Variants in PID1 observed in about 807,000 individuals in gnomAD.
PID1 encodes the protein phosphotyrosine interaction domain containing 1.
In PID1, 10 loss-of-function variants were observed where a neutral mutation model predicts 19.1. The observed-to-expected ratio is 0.52, with a 90% CI of 0.32 to 0.89. PID1 has a LOEUF of 0.89. Ranked by LOEUF, PID1 falls within the 40% of genes least tolerant of loss-of-function variation. PID1 has a pLI of 0.03. For missense variants in PID1, 248 were observed against 285.3 expected (o/e 0.87, Z 0.94); for synonymous variants, 130 against 116.0 (o/e 1.12, Z -0.78).
At chr2:229,135,836 T>G (rs1358323257) in intron 2 of PID1, among the ~76,000 whole-genome samples, 1 of 152,170 alleles carries the variant, frequency 6.6e-6, no homozygotes, top group Non-Finnish European at 1.5e-5. Flanking sequence ...CTCAGATTAT[T>G]AGCAACATGC....
Position 229,146,494 on chromosome 2 carries a change from T to C in PID1, c.177+9324A>G, listed in dbSNP as rs549113094. 1.3e-4 allele frequency among the ~76,000 whole-genome samples: 20 copies of C among 151,534 alleles called. No individual in the cohort carries two copies. In the East Asian group the frequency reaches 3.9e-3, roughly 29 times the overall value. ...ATGTATCCCAGAACTTAAAGTAAAT[T>C]TTTAAAAAAAAATTATGAACTGTGA... is the stretch of plus-strand genomic sequence containing the variant. On this transcript the variant is annotated intron_variant, in intron 2 of 2. Coordinates refer to ENST00000392055, the MANE Select transcript of PID1 (RefSeq NM_001100818.2).
At chr2:229,226,208 T>C (rs1000181615) in intron 1 of PID1, among the ~76,000 whole-genome samples, 8 of 152,278 alleles carry the variant, frequency 5.3e-5, no homozygotes, top group Non-Finnish European at 7.4e-5. Context: ...GTTCATTGAG[T>C]AGTATGAGTC....
At chr2:229,188,300 T>C (rs1163591289) in intron 1 of PID1, among the ~76,000 whole-genome samples, 1 of 151,618 alleles carries the variant, frequency 6.6e-6, no homozygotes. Context: ...TTTTAAGACT[T>C]TGGGATGCAT....
Position 229,025,582 on chromosome 2 carries a change from C to T in PID1, c.*50G>A, listed in dbSNP as rs1296415658. 6.5e-6 allele frequency: 9 copies of T among 1,392,766 alleles called. No homozygotes were observed. Among genetic ancestry groups the T allele is most frequent in the African/African-American group, 4.2e-5 (3 of 70,628 alleles). The allele number at this position is 1,392,766 out of a possible 1,614,324, so 86.3% of individuals were successfully genotyped here. A position where few individuals can be genotyped will look rare whatever the true frequency, so the allele number is the denominator to read the frequency against. ...TGAAACGTTGCTTACTCATCTATTC[C>T]CTTGAACTCCGTGACCAATGCTGCC... is the stretch of plus-strand genomic sequence containing the variant. On this transcript the variant is annotated 3_prime_UTR_variant, in exon 3 of 3. Coordinates refer to ENST00000392055, the MANE Select transcript of PID1 (RefSeq NM_001100818.2).
chr2:229,155,681 C>T, intron 2 of PID1, 137 bp downstream of exon 2: 1 of 747,816 alleles, frequency 1.3e-6, no homozygotes, highest in Non-Finnish European at 2.1e-6. Context: ...TCTACCATCA[C>T]TCTGTGAATT....
chr2:229,210,989 T>C (rs1355505985), intron 1 of PID1, among the ~76,000 whole-genome samples: 1 of 152,198 alleles, frequency 6.6e-6, no homozygotes, highest in Non-Finnish European at 1.5e-5. Flanking sequence ...TGCTAAAAAC[T>C]GCATCGACTA....
intron 2 of PID1, among the ~76,000 whole-genome samples, chr2:229,144,240 G>A (rs2106183925): frequency 6.6e-6 from 1 of 152,250 alleles, no homozygotes; most frequent in Admixed American, 6.5e-5. Context: ...AAACAGAGGA[G>A]CATCCAACAC....
intron 2 of PID1, among the ~76,000 whole-genome samples, chr2:229,120,750 G>A (rs72973209): frequency 0.071 from 10,740 of 152,050 alleles, 538 homozygotes; most frequent in South Asian, 0.22. Flanking sequence ...ACTGGGGTGT[G>A]GGCCTAGTGG....
At chr2:229,194,624 A>G (rs754299813) in intron 1 of PID1, among the ~76,000 whole-genome samples, 14 of 151,978 alleles carry the variant, frequency 9.2e-5, no homozygotes, top group Non-Finnish European at 1.6e-4. Context: ...TATTAACTCT[A>G]GGTTCCTTAA....
chr2:229,124,301 G>A (rs1387452629), intron 2 of PID1, among the ~76,000 whole-genome samples: 1 of 152,072 alleles, frequency 6.6e-6, no homozygotes, highest in African/African-American at 2.4e-5. Flanking sequence ...CATCTGTCCT[G>A]CCTTCCCACA....
At chr2:229,241,314 A>G (rs1689861535) in intron 1 of PID1, among the ~76,000 whole-genome samples, 1 of 152,158 alleles carries the variant, frequency 6.6e-6, no homozygotes, top group South Asian at 2.1e-4. Context: ...TCATTCTGCA[A>G]TAACAGGACT....
rs372210284 is a variant in PID1 at position 229,173,501 on chromosome 2, T to G, written c.31-17537A>C. On this transcript the variant is annotated intron_variant, in intron 1 of 2. Transcript: ENST00000392055. ...CTCTTAAATCCTACTGCTGGGTTAT[T>G]CAGCCATCTATTCATTAATCTTCTT... 2.0e-4 allele frequency among the ~76,000 whole-genome samples: 30 copies of G among 152,328 alleles called. No individual in the cohort carries two copies. In the South Asian group the frequency reaches 5.0e-3, roughly 25 times the overall value.
intron 2 of PID1, among the ~76,000 whole-genome samples, chr2:229,105,808 A>G (rs6729408): frequency 0.9 from 137,071 of 152,240 alleles, 62,079 homozygotes; most frequent in Non-Finnish European, 0.95. Flanking sequence ...GGCTGGGCAC[A>G]GTGGCTCACG....
rs781693595 is a variant in PID1, at chr2:229,026,004, C to G, written c.282G>C (p.Glu94Asp). ...GGAGGGCATTGGCCGGAAAGACATC[C>G]TCTCGGGCTAGCGTGTGCTTCTTCC... ...ELWKKHTLAR[E>D]DVFPANALLE... The change falls in exon 3 of 3, where the codon GAG becomes GAC. Residue 94 changes from glutamate (E) to aspartate (D), a missense_variant. Coordinates refer to ENST00000392055, the MANE Select transcript of PID1 (RefSeq NM_001100818.2). 6.2e-7 allele frequency: 1 copy of G among 1,614,194 alleles called. No individual in the cohort carries two copies.
intron 1 of PID1, among the ~76,000 whole-genome samples, chr2:229,170,279 G>C (rs990366253): frequency 1.3e-5 from 2 of 152,140 alleles, no homozygotes; most frequent in Non-Finnish European, 2.9e-5. Context: ...CTCATCAACT[G>C]TCTGGTACTT....
At chr2:229,178,895 G>T (rs573876205) in intron 1 of PID1, among the ~76,000 whole-genome samples, 1 of 152,190 alleles carries the variant, frequency 6.6e-6, no homozygotes, top group East Asian at 1.9e-4. Flanking sequence ...AGGAAGGACG[G>T]AGGACACATG....
chr2:229,210,441 G>A (rs1470111388), intron 1 of PID1, among the ~76,000 whole-genome samples: 11 of 147,790 alleles, frequency 7.4e-5, no homozygotes, highest in Admixed American at 1.4e-4. Context: ...GGCCTGAACC[G>A]GGGAGGCGGA....
chr2:229,040,321 A>T (rs924290732), intron 2 of PID1, among the ~76,000 whole-genome samples: 1 of 149,344 alleles, frequency 6.7e-6, no homozygotes, highest in Non-Finnish European at 1.5e-5. Flanking sequence ...CATCGTCAAC[A>T]AACAAACAAA....
chr2:229,031,131 G>C (rs138075798), intron 2 of PID1, among the ~76,000 whole-genome samples: 1 of 148,576 alleles, frequency 6.7e-6, no homozygotes, highest in African/African-American at 2.5e-5. Flanking sequence ...CAGAAGAATC[G>C]CTTGAACCTG....
Sources: gnomAD v4.1 joint callset for allele counts (sites outside exome capture counted in the v4.1 genomes callset) on GRCh38, gnomAD v4.1.1 for gene constraint, MANE v1.5 for transcripts, NCBI Gene and HGNC (gene_info 2026-07-23, HGNC 2026-07-21) for gene names.